The following LRRC75A variants were observed in gnomAD, a reference collection of about 807,000 sequenced individuals.
The protein encoded by LRRC75A is leucine rich repeat containing 75A.
A neutral mutation model predicts 26.0 loss-of-function variants in LRRC75A; 12 were observed. That is an observed-to-expected ratio of 0.46 (90% CI 0.30 to 0.75). The LOEUF (loss-of-function observed/expected upper bound fraction) is 0.75. Among genes scored for constraint, LRRC75A ranks in the 30% least tolerant of loss-of-function variants. The pLI is 0.08. For missense variants in LRRC75A, 410 were observed against 486.6 expected, an observed-to-expected ratio of 0.84 and a Z score of 1.48; for synonymous variants, 223 against 219.3, an observed-to-expected ratio of 1.02 and a Z score of -0.15.
intron 2 of LRRC75A, among the ~76,000 whole-genome samples, chr17:16,453,898 T>A (rs1215552221): frequency 6.6e-6 from 1 of 151,924 alleles, no homozygotes; most frequent in Non-Finnish European, 1.5e-5. Context: ...AAGCAAGCCA[T>A]AAAACTAGGC....
In LRRC75A at chr17:16,443,771, G is replaced by A. The variant is rs1251563309; in HGVS notation, c.852C>T (p.Ser284=). Residue 284 remains serine, a synonymous_variant, in exon 4 of 4, where the codon AGC becomes AGT. Transcript: ENST00000470794. ...CCTGCTTTGGGGAGCGCTTGCGCAGGCTGAGCAGGAAGGGCTGGGGCAAGG... is the reference window on the plus strand; with the variant it reads ...CCTGCTTTGGGGAGCGCTTGCGCAGACTGAGCAGGAAGGGCTGGGGCAAGG... ...IFSLPQPFLL[S]LRKRSPKQGH... 1.9e-6 allele frequency: 3 copies of A among 1,613,742 alleles called. No homozygotes were observed. Among genetic ancestry groups the A allele is most frequent in the African/African-American group, 1.3e-5 (1 of 74,940 alleles).
intron 2 of LRRC75A, among the ~76,000 whole-genome samples, chr17:16,452,088 A>AC (rs2093636721): frequency 6.8e-6 from 1 of 147,394 alleles, no homozygotes; most frequent in African/African-American, 2.5e-5. Context: ...GCTGTGGCTC[A>AC]CTCTTGTAAT....
At chr17:16,461,832 T>G (rs2143132372) in intron 2 of LRRC75A, among the ~76,000 whole-genome samples, 1 of 152,228 alleles carries the variant, frequency 6.6e-6, no homozygotes, top group African/African-American at 2.4e-5. Context: ...GGATTTGAAC[T>G]TTCCCCTGCC....
chr17:16,470,334 C>CG (rs1428359224), intron 1 of LRRC75A: 1 of 152,068 alleles, frequency 6.6e-6, no homozygotes, highest in African/African-American at 2.4e-5. Context: ...ACAACAGAGC[C>CG]GGGGAAAGGA....
At chr17:16,485,042 G>A (rs2093843182) in intron 1 of LRRC75A, among the ~76,000 whole-genome samples, 1 of 151,876 alleles carries the variant, frequency 6.6e-6, no homozygotes, top group Admixed American at 6.5e-5. Context: ...GGGTAGGGAG[G>A]AGAGCAGGCA....
chr17:16,455,311 T>C (rs1465875932), intron 2 of LRRC75A, among the ~76,000 whole-genome samples: 1 of 152,138 alleles, frequency 6.6e-6, no homozygotes, highest in Non-Finnish European at 1.5e-5. Context: ...TTTGTTACCC[T>C]GTGTCTGGTT....
chr17:16,491,785 C>G lies in LRRC75A; in HGVS notation c.206G>C (p.Arg69Pro). Residue 69 changes from arginine (R) to proline (P), a missense_variant, in exon 1 of 4, where the codon CGG becomes CCG. Transcript: ENST00000470794. This position sits in a 1 kb window ranked among gnomAD's most constrained non-coding sequence, Gnocchi z 5.9. Reference protein sequence around the residue: ...QELLRMVRQGRREEAGTLLQH... With the variant: ...QELLRMVRQGPREEAGTLLQH... The stretch of plus-strand genomic sequence containing the variant: ...CAGCAGCGTCCCCGCCTCCTCCCGC[C>G]GGCCCTGGCGCACCATCCGCAGCAG... 1 of 1,434,022 alleles carries G rather than the reference C, an allele frequency of 7.0e-7. No individual in the cohort carries two copies. Among genetic ancestry groups the G allele is most frequent in the Non-Finnish European group, 9.1e-7 (1 of 1,094,640 alleles). The allele number at this position is 1,434,022 out of a possible 1,614,324, so 88.8% of individuals were successfully genotyped here. A position where few individuals can be genotyped will look rare whatever the true frequency, so the allele number is the denominator to read the frequency against.
At chr17:16,459,146 T>C (rs2093708250) in intron 2 of LRRC75A, among the ~76,000 whole-genome samples, 1 of 152,262 alleles carries the variant, frequency 6.6e-6, no homozygotes, top group Non-Finnish European at 1.5e-5. Context: ...GCTTCCTGCC[T>C]GGTGCAGGTT....
At position 16,462,904 on chromosome 17, in the gene LRRC75A, C is replaced by A; in HGVS notation, c.247-518G>T. The A allele has an allele frequency of 6.2e-6, 1 of 160,192 alleles. No individual in the cohort carries two copies. Among genetic ancestry groups the A allele is most frequent in the South Asian group, 1.8e-4 (1 of 5,696 alleles). 9.9% of individuals were successfully genotyped at this position (160,192 alleles called of 1,614,324 possible). A position where few individuals can be genotyped will look rare whatever the true frequency, so the allele number is the denominator to read the frequency against. ...GGGGTTGTAAGCAGATCCTGCCAGGCACCCAGAAGGAAACCTCATCAGGAC... is the reference window on the plus strand; with the variant it reads ...GGGGTTGTAAGCAGATCCTGCCAGGAACCCAGAAGGAAACCTCATCAGGAC... On this transcript the variant is annotated intron_variant, in intron 1 of 3. Coordinates refer to ENST00000470794, the MANE Select transcript of LRRC75A (RefSeq NM_001113567.3). The surrounding 1 kb of genome is among the most constrained non-coding windows in gnomAD (Gnocchi z 4.6).
chr17:16,490,091 C>T (rs1368041191), intron 1 of LRRC75A, among the ~76,000 whole-genome samples: 9 of 152,236 alleles, frequency 5.9e-5, no homozygotes, highest in Non-Finnish European at 1.3e-4. Context: ...TATCTGCCCA[C>T]TTTGGGTCCA....
In LRRC75A at chr17:16,491,928, GC is replaced by G; in HGVS notation, c.62del (p.Gly21AlafsTer71). On this transcript the variant is annotated frameshift_variant, in exon 1 of 4. Coordinates refer to ENST00000470794, the MANE Select transcript of LRRC75A (RefSeq NM_001113567.3). LOFTEE classifies it high-confidence loss of function. The surrounding 1 kb of genome is among the most constrained non-coding windows in gnomAD (Gnocchi z 5.9). ...AGAAGTCCGGCCGTTCGCGTCGGGG[GC>G]CCGGCGCGGCGCCGGGGCTGGCTCT... ...AERASPGAAP[G>X]PRRERPDFWA... 1 of 1,249,344 alleles carries G rather than the reference GC, an allele frequency of 8.0e-7. No homozygotes were observed. Among genetic ancestry groups the G allele is most frequent in the Admixed American group, 4.3e-5 (1 of 22,990 alleles). The allele number at this position is 1,249,344 out of a possible 1,614,324, so 77.4% of individuals were successfully genotyped here.
rs1165635256 is a variant in LRRC75A at position 16,444,110 on chromosome 17, T to C, written c.513A>G (p.Gly171=). The part of the protein sequence containing the change: ...PQACLKAVLA[G]SPPDNTVDLS... ...GGTCCACTGTGTTGTCTGGGGGGCT[T>C]CCGGCCAGGACAGCCTTGAGGCTGA... The change falls in exon 4 of 4, where the codon GGA becomes GGG. Residue 171 remains glycine (G), a synonymous_variant. Coordinates refer to ENST00000470794, the MANE Select transcript of LRRC75A (RefSeq NM_001113567.3). The C allele has an allele frequency of 1.2e-6, 2 of 1,604,650 alleles. No homozygotes were observed. Among genetic ancestry groups the C allele is most frequent in the African/African-American group, 2.7e-5 (2 of 74,762 alleles).
intron 3 of LRRC75A, among the ~76,000 whole-genome samples, chr17:16,444,434 C>T (rs1402546515): frequency 1.3e-5 from 2 of 152,182 alleles, no homozygotes; most frequent in African/African-American, 4.8e-5. Flanking sequence ...TTCATAAGTG[C>T]AAAATGGTGC....
At chr17:16,448,263 A>G in intron 2 of LRRC75A, 1 of 395,392 alleles carries the variant, frequency 2.5e-6, no homozygotes, top group South Asian at 2.1e-5. Flanking sequence ...CCTGGCCAAG[A>G]CTCACCATGA....
chr17:16,476,513 T>C (rs1205936423), intron 1 of LRRC75A, among the ~76,000 whole-genome samples: 1 of 151,970 alleles, frequency 6.6e-6, no homozygotes, highest in Non-Finnish European at 1.5e-5. Flanking sequence ...CACCTGGCTT[T>C]ATTTGGCTTT....
chr17:16,479,698 C>G (rs557399319), intron 1 of LRRC75A, among the ~76,000 whole-genome samples: 1 of 152,220 alleles, frequency 6.6e-6, no homozygotes, highest in Non-Finnish European at 1.5e-5. Context: ...AGAGCTGTAG[C>G]GAAAATCTAA....
chr17:16,446,500 C>T (rs1335209542), intron 3 of LRRC75A, among the ~76,000 whole-genome samples: 1 of 152,160 alleles, frequency 6.6e-6, no homozygotes, highest in Non-Finnish European at 1.5e-5. Context: ...TGGAAAGGGA[C>T]TGGTGTGTCT....
Position 16,447,944 on chromosome 17 carries a change from C to T in LRRC75A, c.392G>A (p.Gly131Asp). ...CTGCCGGCACAGCTTCTCCATGGCG[C>T]CCAGTGCATCGCCTTCCTGCAGAGG... ...HCPKPEGDAL[G>D]AMEKLCRQLT... is the part of the protein sequence containing the mutation. Residue 131 changes from glycine to aspartate, a missense_variant, in exon 3 of 4, where the codon GGC becomes GAC. Gly to Asp is a moderately conservative substitution (Grantham distance 94). Coordinates refer to ENST00000470794, the MANE Select transcript of LRRC75A (RefSeq NM_001113567.3). The T allele has an allele frequency of 6.4e-7, 1 of 1,551,054 alleles. No individual in the cohort carries two copies. Among genetic ancestry groups the T allele is most frequent in the African/African-American group, 1.4e-5 (1 of 73,134 alleles).
rs2093599796 is a variant in LRRC75A at position 16,447,899 on chromosome 17, G to A, written c.437C>T (p.Pro146Leu). Residue 146 changes from proline to leucine, a missense_variant, in exon 3 of 4, where the codon CCC (proline) becomes CTC (leucine). Transcript: ENST00000470794. ...CCGGTGCCGCCTCCACTGGGAGTGG[G>A]GGCTGAGGTGGTATGTCAGCTGCCG... ...LCRQLTYHLS[P>L]HSQWRRHRGL... 6.4e-7 allele frequency: 1 copy of A among 1,550,658 alleles called. No homozygotes were observed. The highest frequency in any genetic ancestry group is 2.4e-5 in the East Asian group (1 of 40,916).
Sources: gnomAD v4.1 joint callset for allele counts (sites outside exome capture counted in the v4.1 genomes callset) on GRCh38, gnomAD v4.1.1 for gene constraint, Gnocchi (gnomAD v3.1) non-coding constraint, MANE v1.5 for transcripts, NCBI Gene and HGNC (gene_info 2026-07-23, HGNC 2026-07-21) for gene names.